Variants in SMYD3 observed in about 807,000 individuals in gnomAD.
SMYD3 encodes the protein SET and MYND domain containing 3.
SMYD3 carries 36 observed loss-of-function variants against 57.7 expected under a neutral mutation model. The ratio of observed to expected loss-of-function variants is 0.62; its 90% confidence interval spans 0.48 to 0.82. The LOEUF (loss-of-function observed/expected upper bound fraction) is 0.82, where lower values mean the gene tolerates loss of function less well. SMYD3 is among the 40% of genes least tolerant of loss of function. SMYD3 has a pLI of 0.00. For synonymous variants in SMYD3, 211 were observed against 195.0 expected (o/e 1.08, Z -0.68); for missense variants, 515 against 538.8 (o/e 0.96, Z 0.44).
intron 5 of SMYD3, among the ~76,000 whole-genome samples, chr1:246,287,966 G>C (rs898187015): frequency 6.6e-6 from 1 of 151,170 alleles, no homozygotes; most frequent in Admixed American, 6.6e-5. Flanking sequence ...GCCTTGGAAC[G>C]TTACACGGCC....
At chr1:245,843,695 T>C (rs1470875717) in intron 10 of SMYD3, among the ~76,000 whole-genome samples, 1 of 152,168 alleles carries the variant, frequency 6.6e-6, no homozygotes, top group African/African-American at 2.4e-5. Flanking sequence ...GGATGTTGTC[T>C]TGGAACCAGT....
At chr1:245,839,421 G>T (rs12085569) in intron 10 of SMYD3, among the ~76,000 whole-genome samples, 102 of 151,578 alleles carry the variant, frequency 6.7e-4, no homozygotes, top group Non-Finnish European at 8.7e-4. Flanking sequence ...CGCCCACCTC[G>T]GCCTCCCAAA....
At chr1:246,325,425 AT>A (rs1214882783) in intron 5 of SMYD3, among the ~76,000 whole-genome samples, 1 of 152,064 alleles carries the variant, frequency 6.6e-6, no homozygotes, top group African/African-American at 2.4e-5. Context: ...CTTTCATCTG[AT>A]TATTAACCTA....
chr1:246,479,043 A>G (rs1168283819), intron 1 of SMYD3, among the ~76,000 whole-genome samples: 4 of 148,788 alleles, frequency 2.7e-5, no homozygotes, highest in Non-Finnish European at 5.9e-5. Flanking sequence ...GCTGATACAT[A>G]AGTGCTCATA....
intron 5 of SMYD3, chr1:246,193,620 C>G (rs530136177): frequency 1.3e-5 from 2 of 152,398 alleles, no homozygotes; most frequent in African/African-American, 2.4e-5. Context: ...TAAATCAGAT[C>G]CAAATTAGCT....
At chr1:246,041,268 C>T (rs2059867447) in intron 5 of SMYD3, among the ~76,000 whole-genome samples, 1 of 152,108 alleles carries the variant, frequency 6.6e-6, no homozygotes, top group Admixed American at 6.5e-5. Flanking sequence ...AAAATATTCC[C>T]ACCCTTAAGC....
chr1:246,290,931 T>C (rs1488070887), intron 5 of SMYD3, among the ~76,000 whole-genome samples: 1 of 152,196 alleles, frequency 6.6e-6, no homozygotes, highest in Non-Finnish European at 1.5e-5. Context: ...ATATATTTAT[T>C]TTAAAACATG....
intron 5 of SMYD3, among the ~76,000 whole-genome samples, chr1:246,293,127 G>A (rs908737719): frequency 2.0e-5 from 3 of 151,460 alleles, no homozygotes; most frequent in South Asian, 2.1e-4. Flanking sequence ...TCTCCTCACC[G>A]AGAAAGGATT....
chr1:246,250,626 C>CAA (rs1267608072), intron 5 of SMYD3, among the ~76,000 whole-genome samples: 2 of 152,092 alleles, frequency 1.3e-5, no homozygotes, highest in African/African-American at 2.4e-5. Context: ...AATTAAATTG[C>CAA]AATTTAAGGT....
rs2054824167 is a variant in SMYD3, at chr1:245,909,622, A to G, written c.813+5908T>C. Among the ~76,000 whole-genome samples the G allele has an allele frequency of 2.0e-5, 3 of 152,152 alleles. No homozygotes were observed. The South Asian group carries it at 6.2e-4, about 32-fold the overall frequency. ...TTAAAAAGATCATTCATCATAATCA[A>G]GTGGGTTCATCTCAGGGATGGAAGG... On this transcript the variant is annotated intron_variant, in intron 8 of 11. Transcript: ENST00000490107.
At chr1:246,256,003 T>C (rs1474549098) in intron 5 of SMYD3, among the ~76,000 whole-genome samples, 50 of 150,960 alleles carry the variant, frequency 3.3e-4, no homozygotes, top group African/African-American at 1.1e-3. Context: ...CACACATACA[T>C]ACATACATAG....
At chr1:246,055,809 CAGAG>C (rs1331134725) in intron 5 of SMYD3, among the ~76,000 whole-genome samples, 7 of 152,104 alleles carry the variant, frequency 4.6e-5, no homozygotes, top group Admixed American at 4.6e-4. Context: ...TTGTCAAAAT[CAGAG>C]AGACAGGAAG....
In SMYD3 at chr1:245,798,391, C is replaced by CACACACACACACCACACAT. The variant is rs1174562799; in HGVS notation, c.1077-34243_1077-34242insATGTGTGGTGTGTGTGTGT. ...CTTGACCTGTCAACACACACACGCGCACACACACACACACATACACACACA... is the reference window on the plus strand; with the variant it reads ...CTTGACCTGTCAACACACACACGCGCACACACACACACCACACATACACACACACACACATACACACACA... On this transcript the variant is annotated intron_variant, in intron 10 of 11. Coordinates refer to ENST00000490107, the MANE Select transcript of SMYD3 (RefSeq NM_001167740.2). Among the ~76,000 whole-genome samples, 419 of 108,424 alleles carry CACACACACACACCACACAT rather than the reference C, an allele frequency of 3.9e-3. 203 individuals carry two copies. Among genetic ancestry groups the CACACACACACACCACACAT allele is most frequent in the East Asian group, 0.01 (39 of 3,742 alleles). 71.1% of individuals were successfully genotyped at this position (108,424 alleles called of 152,430 possible).
At chr1:246,467,481 C>T (rs2067898288) in intron 1 of SMYD3, among the ~76,000 whole-genome samples, 1 of 151,872 alleles carries the variant, frequency 6.6e-6, no homozygotes, top group Non-Finnish European at 1.5e-5. Context: ...AGAGGGAAGA[C>T]TCGAATAAAG....
intron 1 of SMYD3, among the ~76,000 whole-genome samples, chr1:246,365,760 T>C (rs1401800911): frequency 2.0e-5 from 3 of 152,116 alleles, no homozygotes; most frequent in South Asian, 4.1e-4. Context: ...ATCTTTATTG[T>C]AGGAAACAAG....
intron 5 of SMYD3, among the ~76,000 whole-genome samples, chr1:246,222,286 A>C (rs12142598): frequency 0.18 from 27,030 of 152,166 alleles, 2,784 homozygotes; most frequent in East Asian, 0.34. Context: ...TCATCTGATT[A>C]TCATAGCTCT....
intron 10 of SMYD3, among the ~76,000 whole-genome samples, chr1:245,785,484 C>G (rs60017582): frequency 0.13 from 20,069 of 152,106 alleles, 1,426 homozygotes; most frequent in Admixed American, 0.17. Flanking sequence ...CCGCTAGGTG[C>G]TCAAAAGGCC....
intron 8 of SMYD3, among the ~76,000 whole-genome samples, chr1:245,890,917 C>T (rs1290910142): frequency 6.6e-6 from 1 of 152,170 alleles, no homozygotes; most frequent in Middle Eastern, 3.2e-3. Flanking sequence ...TCACTTGCAA[C>T]AGCAAGGATG....
chr1:246,291,367 A>C (rs1320370443), intron 5 of SMYD3, among the ~76,000 whole-genome samples: 1 of 152,238 alleles, frequency 6.6e-6, no homozygotes, highest in Admixed American at 6.5e-5. Context: ...TTTTAGCCAG[A>C]AACACTAGAC....
Sources: allele counts gnomAD v4.1 joint callset (sites outside exome capture counted in the v4.1 genomes callset), GRCh38; gene constraint gnomAD v4.1.1; transcripts MANE v1.5; gene names NCBI Gene and HGNC (gene_info 2026-07-23, HGNC 2026-07-21).